HOOK3: variants seen among roughly 807,000 people sequenced by gnomAD.
HOOK3 encodes protein Hook homolog 3.
Under a neutral mutation model 116.3 loss-of-function variants are expected in HOOK3, and 24 were observed. That is an observed-to-expected ratio of 0.21 (90% confidence interval 0.15 to 0.29). The LOEUF (loss-of-function observed/expected upper bound fraction) is 0.29, where lower values mean the gene tolerates loss of function less well. HOOK3 is among the 10% of genes least tolerant of loss of function. The probability of loss-of-function intolerance (pLI) is 1.00; values close to 1 mark genes in which losing one functional copy is unlikely to be tolerated. For synonymous variants in HOOK3, 275 were observed against 283.0 expected (o/e 0.97, Z 0.28); for missense variants, 632 against 830.2 (o/e 0.76, Z 2.93).
intron 13 of HOOK3, among the ~76,000 whole-genome samples, chr8:42,979,263 C>T (rs1267938985): frequency 6.6e-6 from 1 of 152,098 alleles, no homozygotes; most frequent in South Asian, 2.1e-4. Context: ...CCGAGCGATA[C>T]CCTGTCTCTA....
chr8:42,982,405 C>T (rs1257316978), intron 13 of HOOK3, among the ~76,000 whole-genome samples: 1 of 151,322 alleles, frequency 6.6e-6, no homozygotes, highest in Non-Finnish European at 1.5e-5. Flanking sequence ...GTGATGGTTA[C>T]ACAACATTGT....
At chr8:42,957,560 A>G (rs1181816007) in intron 7 of HOOK3, among the ~76,000 whole-genome samples, 2 of 152,168 alleles carry the variant, frequency 1.3e-5, no homozygotes, top group Non-Finnish European at 2.9e-5. Flanking sequence ...AAAATGAAAT[A>G]TACAGTTGTC....
At chr8:42,920,195 A>G (rs1167983242) in intron 2 of HOOK3, among the ~76,000 whole-genome samples, 1 of 152,144 alleles carries the variant, frequency 6.6e-6, no homozygotes, top group Non-Finnish European at 1.5e-5. Flanking sequence ...CTCCAGTAAG[A>G]TTACCACTTG....
chr8:42,945,200 A>G (rs1808203303), intron 5 of HOOK3, among the ~76,000 whole-genome samples: 2 of 152,262 alleles, frequency 1.3e-5, no homozygotes, highest in East Asian at 1.9e-4. Flanking sequence ...GATCATGTAT[A>G]TAGAACAGTA....
intron 5 of HOOK3, among the ~76,000 whole-genome samples, chr8:42,948,229 A>C (rs1458803451): frequency 2.6e-5 from 4 of 152,164 alleles, no homozygotes; most frequent in Non-Finnish European, 5.9e-5. Flanking sequence ...ATTTAAACTT[A>C]ATACTCCCTG....
chr8:42,926,200 T>G (rs912629799), intron 3 of HOOK3, among the ~76,000 whole-genome samples: 2 of 152,214 alleles, frequency 1.3e-5, no homozygotes, highest in East Asian at 3.8e-4. Flanking sequence ...GCTGAACAGG[T>G]TTTTATCCTT....
chr8:42,941,749 A>AC (rs1225903502), intron 4 of HOOK3, among the ~76,000 whole-genome samples: 1 of 151,716 alleles, frequency 6.6e-6, no homozygotes, highest in Non-Finnish European at 1.5e-5. Flanking sequence ...CCCCATCCTG[A>AC]CCCCTGGACC....
chr8:42,900,805 C>G (rs1157756635), intron 1 of HOOK3, among the ~76,000 whole-genome samples: 1 of 152,224 alleles, frequency 6.6e-6, no homozygotes, highest in Non-Finnish European at 1.5e-5. Context: ...TGTTTGCTAA[C>G]TTCACCAGAG....
chr8:42,933,064 A>T (rs1054055377), intron 4 of HOOK3, among the ~76,000 whole-genome samples: 1 of 152,224 alleles, frequency 6.6e-6, no homozygotes, highest in African/African-American at 2.4e-5. Context: ...TATTTCTAGA[A>T]ATTGGTCTTT....
intron 6 of HOOK3, among the ~76,000 whole-genome samples, chr8:42,950,865 T>G (rs1220002618): frequency 6.6e-6 from 1 of 152,004 alleles, no homozygotes; most frequent in Non-Finnish European, 1.5e-5. Flanking sequence ...TTTTGTATTT[T>G]TAGTAAAGAT....
chr8:42,943,118 A>C lies in HOOK3; in HGVS notation c.268-195A>C, dbSNP rs548570730. On this transcript the variant is annotated intron_variant, in intron 4 of 21. Coordinates refer to ENST00000307602, the MANE Select transcript of HOOK3 (RefSeq NM_032410.4). ...CGATGTACATGCCACATACCAGAGT[A>C]GGGACTAAGTTGCTGTGACTCAAGA... Among the ~76,000 whole-genome samples the C allele has an allele frequency of 4.0e-4, 61 of 152,058 alleles. 1 individual carries two copies. The highest frequency in any genetic ancestry group is 1.8e-3 in the Admixed American group (28 of 15,258).
chr8:42,984,502 A>G (rs147345259), intron 14 of HOOK3, among the ~76,000 whole-genome samples: 67 of 152,334 alleles, frequency 4.4e-4, no homozygotes, highest in Middle Eastern at 3.4e-3. Context: ...GATTTGTTGA[A>G]TAAATGAACA....
At chr8:42,932,418 A>G (rs573192597) in intron 4 of HOOK3, among the ~76,000 whole-genome samples, 3 of 152,288 alleles carry the variant, frequency 2.0e-5, no homozygotes, top group African/African-American at 7.2e-5. Flanking sequence ...GAAGATAGTG[A>G]TGCTGTTTCA....
chr8:42,908,230 C>T (rs1342451986), intron 2 of HOOK3, among the ~76,000 whole-genome samples: 1 of 152,096 alleles, frequency 6.6e-6, no homozygotes, highest in Non-Finnish European at 1.5e-5. Flanking sequence ...TGTTAAAATG[C>T]CCATACTACT....
At chr8:42,985,023 C>A (rs913325074) in intron 14 of HOOK3, among the ~76,000 whole-genome samples, 1 of 151,998 alleles carries the variant, frequency 6.6e-6, no homozygotes, top group Non-Finnish European at 1.5e-5. Flanking sequence ...TAAACTGGGA[C>A]GAAAATTTTG....
chr8:42,975,964 C>G (rs906386778), intron 13 of HOOK3, among the ~76,000 whole-genome samples: 6 of 152,118 alleles, frequency 3.9e-5, no homozygotes, highest in African/African-American at 1.4e-4. Context: ...CTCGGCCTCC[C>G]ACAGTGCTGA....
intron 5 of HOOK3, among the ~76,000 whole-genome samples, chr8:42,944,283 G>A (rs1419379376): frequency 1.3e-5 from 2 of 151,848 alleles, no homozygotes; most frequent in African/African-American, 4.8e-5. Context: ...GAGTGTGGAG[G>A]CACACTCCTG....
At chr8:43,007,707 G>T in intron 17 of HOOK3, 140 bp from the exon 18 acceptor site, 1 of 419,798 alleles carries the variant, frequency 2.4e-6, no homozygotes. Flanking sequence ...TATTAAATTT[G>T]TGTTTTGTCT....
chr8:42,982,713 G>A lies in HOOK3; in HGVS notation c.1391+17G>A. ...TGAAATCAGGTAAGGAGATTGTGGT[G>A]TTCACACTTACACTGCACAGTATTC... is the stretch of plus-strand genomic sequence containing the variant. On this transcript the variant is annotated intron_variant, in intron 14 of 21. Transcript: ENST00000307602. 2.6e-6 allele frequency: 4 copies of A among 1,543,380 alleles called. No individual in the cohort carries two copies. Among genetic ancestry groups the A allele is most frequent in the Non-Finnish European group, 3.6e-6 (4 of 1,116,080 alleles).
Sources: gnomAD v4.1 joint callset for allele counts (sites outside exome capture counted in the v4.1 genomes callset) on GRCh38, gnomAD v4.1.1 for gene constraint, MANE v1.5 for transcripts, NCBI Gene and HGNC (gene_info 2026-07-23, HGNC 2026-07-21) for gene names.